The following SLC35F3 variants were observed in gnomAD, a reference collection of about 807,000 sequenced individuals.
SLC35F3 encodes the protein putative thiamine transporter SLC35F3.
Under a neutral mutation model 49.9 loss-of-function variants are expected in SLC35F3, and 25 were observed. That is an observed-to-expected ratio of 0.50 (90% CI 0.37 to 0.70). SLC35F3 has a LOEUF of 0.70. Ranked by LOEUF, SLC35F3 falls within the 30% of genes least tolerant of loss-of-function variation. The probability of loss-of-function intolerance (pLI) is 0.00; values close to 1 mark genes in which losing one functional copy is unlikely to be tolerated. For missense variants in SLC35F3, 525 were observed against 639.8 expected (o/e 0.82, Z 1.94); for synonymous variants, 275 against 265.4 (o/e 1.04, Z -0.35).
chr1:233,980,226 C>T (rs1372535541), intron 2 of SLC35F3, among the ~76,000 whole-genome samples: 1 of 152,190 alleles, frequency 6.6e-6, no homozygotes, highest in African/African-American at 2.4e-5. Context: ...TCAGCAGATA[C>T]TTATTTTGCA....
At chr1:234,067,847 G>C (rs935711129) in intron 2 of SLC35F3, among the ~76,000 whole-genome samples, 3 of 152,184 alleles carry the variant, frequency 2.0e-5, no homozygotes, top group Non-Finnish European at 2.9e-5. Flanking sequence ...AGGGGTCATG[G>C]GTCATGGTGG....
At chr1:234,058,833 G>C (rs1182328467) in intron 2 of SLC35F3, among the ~76,000 whole-genome samples, 5 of 151,836 alleles carry the variant, frequency 3.3e-5, no homozygotes, top group African/African-American at 9.7e-5. Flanking sequence ...TTGTTTGTTT[G>C]ACTAATAAAA....
chr1:234,267,551 A>G (rs1485152153), intron 3 of SLC35F3, among the ~76,000 whole-genome samples: 1 of 140,290 alleles, frequency 7.1e-6, no homozygotes, highest in Non-Finnish European at 1.5e-5. Context: ...CTGGCCGGGC[A>G]GAGGGGTCCT....
At chr1:234,002,873 T>C (rs1663574320) in intron 2 of SLC35F3, among the ~76,000 whole-genome samples, 1 of 152,248 alleles carries the variant, frequency 6.6e-6, no homozygotes, top group Non-Finnish European at 1.5e-5. Context: ...ATATTTATTT[T>C]ATCCTTTGAG....
intron 2 of SLC35F3, among the ~76,000 whole-genome samples, chr1:233,962,773 A>G (rs1001235360): frequency 3.9e-5 from 6 of 152,178 alleles, no homozygotes; most frequent in Non-Finnish European, 7.3e-5. Flanking sequence ...TAAACATGAC[A>G]TTTTCAAGAT....
chr1:234,259,687 GATAATA>G (rs199933955), intron 3 of SLC35F3, among the ~76,000 whole-genome samples: 3 of 150,722 alleles, frequency 2.0e-5, no homozygotes, highest in Non-Finnish European at 3.0e-5. Flanking sequence ...TAATAATAAT[GATAATA>G]ATAATAATAA....
rs55846915 is a variant in SLC35F3, at chr1:234,236,925, T to TTATATATATATATATATA, written c.608+5206_608+5223dup. ...AGACAGTCTCCTATTAAAAAAAAAA[T>TTATATATATATATATATA]TATATATATATATATATATATATAT... On this transcript the variant is annotated intron_variant, in intron 3 of 7. Coordinates refer to ENST00000366618, the MANE Select transcript of SLC35F3 (RefSeq NM_173508.4). Among the ~76,000 whole-genome samples the TTATATATATATATATATA allele has an allele frequency of 3.0e-3, 287 of 96,126 alleles. 7 individuals carry two copies. Among genetic ancestry groups the TTATATATATATATATATA allele is most frequent in the Non-Finnish European group, 4.4e-3 (213 of 48,818 alleles). 63.1% of individuals were successfully genotyped at this position (96,126 alleles called of 152,430 possible).
intron 2 of SLC35F3, among the ~76,000 whole-genome samples, chr1:234,092,949 G>T (rs956860339): frequency 2.6e-5 from 4 of 152,176 alleles, no homozygotes; most frequent in African/African-American, 9.7e-5. Context: ...TCTCCAGTCG[G>T]CTGAGTCTCC....
At chr1:234,321,797 C>A (rs1201122015) in intron 7 of SLC35F3, among the ~76,000 whole-genome samples, 1 of 152,152 alleles carries the variant, frequency 6.6e-6, no homozygotes, top group Non-Finnish European at 1.5e-5. Flanking sequence ...CATTGCCTGG[C>A]TTTTGGGTTC....
chr1:234,318,262 T>TA (rs1657536627), intron 5 of SLC35F3, among the ~76,000 whole-genome samples: 1 of 152,194 alleles, frequency 6.6e-6, no homozygotes, highest in African/African-American at 2.4e-5. Flanking sequence ...TGCATTCCAC[T>TA]AAAACCCATG....
In SLC35F3 at chr1:234,070,702, G is replaced by A. The variant is rs1390749640; in HGVS notation, c.284-160715G>A. Among the ~76,000 whole-genome samples the A allele has an allele frequency of 2.0e-5, 3 of 152,070 alleles. No homozygotes were observed. In the East Asian group the frequency reaches 5.8e-4, roughly 29 times the overall value. Reference sequence around the variant, plus strand: ...AGAATTGTTCTAACAATTCATATTAGTTAACATCTTTTTCTGTTTTTCCAT... The same window carrying A: ...AGAATTGTTCTAACAATTCATATTAATTAACATCTTTTTCTGTTTTTCCAT... On this transcript the variant is annotated intron_variant, in intron 2 of 7. Transcript: ENST00000366618.
chr1:233,965,990 C>T (rs1662899484), intron 2 of SLC35F3, among the ~76,000 whole-genome samples: 1 of 152,116 alleles, frequency 6.6e-6, no homozygotes, highest in Non-Finnish European at 1.5e-5. Context: ...GAGGTGAAAT[C>T]TCCATGGTCT....
At chr1:234,313,168 C>T (rs1474904881) in intron 4 of SLC35F3, among the ~76,000 whole-genome samples, 3 of 152,178 alleles carry the variant, frequency 2.0e-5, no homozygotes, top group Non-Finnish European at 4.4e-5. Context: ...TGAACCACCG[C>T]GCCAGGCCTT....
At chr1:233,994,653 A>G (rs1448546890) in intron 2 of SLC35F3, among the ~76,000 whole-genome samples, 1 of 152,196 alleles carries the variant, frequency 6.6e-6, no homozygotes, top group Non-Finnish European at 1.5e-5. Context: ...AATGCAGCCA[A>G]GGATTACATC....
chr1:233,962,348 T>C (rs1662818295), intron 2 of SLC35F3, among the ~76,000 whole-genome samples: 1 of 152,254 alleles, frequency 6.6e-6, no homozygotes, highest in Non-Finnish European at 1.5e-5. Flanking sequence ...TCCAAGTTCT[T>C]ATTGCTGGAA....
intron 2 of SLC35F3, among the ~76,000 whole-genome samples, chr1:234,104,950 G>A (rs1017435488): frequency 2.0e-5 from 3 of 152,050 alleles, no homozygotes; most frequent in Non-Finnish European, 2.9e-5. Flanking sequence ...CCAACATGGT[G>A]AAACCCCGTC....
rs541505114 is a variant in SLC35F3, at chr1:233,950,341, A to G, written c.283+44583A>G. Among the ~76,000 whole-genome samples, 275 of 134,104 alleles carry G rather than the reference A, an allele frequency of 2.1e-3. 4 individuals are homozygous for G. The highest frequency in any genetic ancestry group is 7.3e-3 in the African/African-American group (245 of 33,702). 88.0% of individuals were successfully genotyped at this position (134,104 alleles called of 152,430 possible). On this transcript the variant is annotated intron_variant, in intron 2 of 7. Transcript: ENST00000366618. ...GCGGAGCTTGCAGTGAGCCGAGATC[A>G]CGCCACTGCACTCCAGCCTGGGTGA...
intron 2 of SLC35F3, among the ~76,000 whole-genome samples, chr1:234,168,204 G>C (rs1241621551): frequency 1.3e-5 from 2 of 152,206 alleles, no homozygotes; most frequent in Non-Finnish European, 2.9e-5. Flanking sequence ...TGCACCCTAG[G>C]GCTGGAATAT....
chr1:233,962,977 T>G (rs1378512915), intron 2 of SLC35F3, among the ~76,000 whole-genome samples: 1 of 152,214 alleles, frequency 6.6e-6, no homozygotes, highest in Non-Finnish European at 1.5e-5. Flanking sequence ...CAACAGTGAA[T>G]TTTGTGCATA....
Sources: gnomAD v4.1 joint callset for allele counts (sites outside exome capture counted in the v4.1 genomes callset) on GRCh38, gnomAD v4.1.1 for gene constraint, MANE v1.5 for transcripts, NCBI Gene and HGNC (gene_info 2026-07-23, HGNC 2026-07-21) for gene names.